The following PLXNA2 variants were observed in gnomAD, a reference collection of about 807,000 sequenced individuals.
The protein encoded by PLXNA2 is plexin A2.
In PLXNA2, 91 loss-of-function variants were observed where a neutral mutation model predicts 193.5. The observed-to-expected ratio is 0.47, with a 90% CI of 0.40 to 0.56. The LOEUF (loss-of-function observed/expected upper bound fraction) is 0.56. PLXNA2 is among the 20% of genes least tolerant of loss of function. The pLI is 0.00. For missense variants in PLXNA2, 1,995 were observed against 2,503.2 expected (o/e 0.80, Z 4.33); for synonymous variants, 997 against 1,027.3 (o/e 0.97, Z 0.56).
At chr1:208,060,929 C>A (rs539879673) in intron 12 of PLXNA2, 92 bp from the exon 13 acceptor site, 177 of 1,133,258 alleles carry the variant, frequency 1.6e-4, no homozygotes, top group Middle Eastern at 1.0e-3. Flanking sequence ...GTTTAAGAAC[C>A]TCCATAGGTT....
chr1:208,215,018 C>CT lies in PLXNA2; in HGVS notation c.1188+1716dup, dbSNP rs950809089. ...AGATCTGTGAGACTAGTGATCATGT[C>CT]TTTTTTTTTTCTGAGACAGGGTCTC... is the stretch of plus-strand genomic sequence containing the variant. On this transcript the variant is annotated intron_variant, in intron 2 of 31. Coordinates refer to ENST00000367033, the MANE Select transcript of PLXNA2 (RefSeq NM_025179.4). Among the ~76,000 whole-genome samples, 174 of 149,278 alleles carry CT rather than the reference C, an allele frequency of 1.2e-3. 2 individuals carry two copies. The highest frequency in any genetic ancestry group is 3.7e-3 in the African/African-American group (151 of 40,714).
chr1:208,031,991 T>C (rs1158905715), intron 28 of PLXNA2: 3 of 985,078 alleles, frequency 3.0e-6, no homozygotes, highest in Non-Finnish European at 3.6e-6. Context: ...TGCAGCCACA[T>C]TCCACATTCC....
At chr1:208,219,816 T>A (rs971542608) in intron 1 of PLXNA2, among the ~76,000 whole-genome samples, 1 of 152,166 alleles carries the variant, frequency 6.6e-6, no homozygotes, top group Non-Finnish European at 1.5e-5. Flanking sequence ...AACACCGGCA[T>A]GAGACTCAGG....
chr1:208,064,932 C>G (rs1363459372), intron 12 of PLXNA2, among the ~76,000 whole-genome samples: 2 of 152,182 alleles, frequency 1.3e-5, no homozygotes, highest in Non-Finnish European at 2.9e-5. Flanking sequence ...CTCTTAAAAG[C>G]AGCTTTTGAT....
rs759979862 is a variant in PLXNA2, at chr1:208,039,666, C to G, written c.4455G>C (p.Leu1485=). ...GCTGCCGGATGAGCTTGTCCTCGCT[C>G]AGGGAGTAGCGGGCCTCGCCCGTGA... ...DAITGEARYS[L]SEDKLIRQQI... Residue 1485 remains leucine (L), a synonymous_variant, in exon 24 of 32, where the codon CTG becomes CTC. Transcript: ENST00000367033. The G allele has an allele frequency of 6.2e-7, 1 of 1,614,218 alleles. No individual in the cohort carries two copies. Among genetic ancestry groups the G allele is most frequent in the Admixed American group, 1.7e-5 (1 of 60,032 alleles).
chr1:208,084,516 G>A lies in PLXNA2; in HGVS notation c.2162C>T (p.Thr721Ile), dbSNP rs1389717057. The part of the protein sequence containing the change: ...LIPVGEVKPI[T>I]LKARNLPQPQ... ...CTGGGGCAGATTTCGCGCCTTAAGG[G>A]TGATTGGCTTTACCTCCCCGACTGG... Residue 721 changes from threonine (T) to isoleucine (I), a missense_variant, in exon 10 of 32, where the codon ACC becomes ATC. Physicochemically the swap from Thr to Ile is moderately conservative, Grantham distance 89. Transcript: ENST00000367033. The A allele has an allele frequency of 6.2e-7, 1 of 1,614,252 alleles. No homozygotes were observed. Among genetic ancestry groups the A allele is most frequent in the East Asian group, 2.2e-5 (1 of 44,884 alleles).
Position 208,025,487 on chromosome 1 carries a change from AG to A in PLXNA2, c.*1755del, listed in dbSNP as rs1358413674. The A allele has an allele frequency of 6.6e-6, 1 of 152,404 alleles. No individual in the cohort carries two copies. Among genetic ancestry groups the A allele is most frequent in the Admixed American group, 6.5e-5 (1 of 15,288 alleles). The allele number at this position is 152,404 out of a possible 1,614,324, so 9.4% of individuals were successfully genotyped here. A position where few individuals can be genotyped will look rare whatever the true frequency, so the allele number is the denominator to read the frequency against. On this transcript the variant is annotated 3_prime_UTR_variant, in exon 32 of 32. Coordinates refer to ENST00000367033, the MANE Select transcript of PLXNA2 (RefSeq NM_025179.4). Reference sequence around the variant, plus strand: ...AGGATTCCTGACCCTTTGAAAAGTGAGGAAGGGCAGCTTGTTCCTCTTTGTC... The same window carrying A: ...AGGATTCCTGACCCTTTGAAAAGTGAGAAGGGCAGCTTGTTCCTCTTTGTC...
chr1:208,113,020 A>AAAAAAAAAAAG (rs1558198719), intron 4 of PLXNA2, among the ~76,000 whole-genome samples: 1 of 151,678 alleles, frequency 6.6e-6, no homozygotes. Flanking sequence ...AAAAAAAAAA[A>AAAAAAAAAAAG]AAAACAGAGA....
Position 208,027,165 on chromosome 1 carries a change from C to T in PLXNA2, c.*78G>A, listed in dbSNP as rs569915937. 528 of 1,279,442 alleles carry T rather than the reference C, an allele frequency of 4.1e-4. 9 individuals are homozygous for T. In the South Asian group the frequency reaches 6.2e-3, roughly 15 times the overall value. The allele number at this position is 1,279,442 out of a possible 1,614,324, so 79.3% of individuals were successfully genotyped here. A position where few individuals can be genotyped will look rare whatever the true frequency, so the allele number is the denominator to read the frequency against. ...GCAAGCTCTGGGGCCTGATCCCCAT[C>T]ACTTGTCCTTCCATCTGAGACTCCC... On this transcript the variant is annotated 3_prime_UTR_variant, in exon 32 of 32. Coordinates refer to ENST00000367033, the MANE Select transcript of PLXNA2 (RefSeq NM_025179.4).
intron 3 of PLXNA2, among the ~76,000 whole-genome samples, chr1:208,182,485 A>T (rs916693723): frequency 1.2e-4 from 19 of 152,090 alleles, no homozygotes; most frequent in Non-Finnish European, 1.6e-4. Flanking sequence ...ACCACCAAAA[A>T]ACTGCAAGAG....
In PLXNA2 at chr1:208,023,362, G is replaced by T. The variant is rs566958798; in HGVS notation, c.*3881C>A. ...CAGGCGTGGCAACCGGGATGCACCTGGAGATTTATCAGCCAGAAGCTTTCA... is the reference window on the plus strand; with the variant it reads ...CAGGCGTGGCAACCGGGATGCACCTTGAGATTTATCAGCCAGAAGCTTTCA... On this transcript the variant is annotated 3_prime_UTR_variant, in exon 32 of 32. Transcript: ENST00000367033. 6.5e-6 allele frequency: 1 copy of T among 152,834 alleles called. No individual in the cohort carries two copies. The highest frequency in any genetic ancestry group is 1.5e-5 in the Non-Finnish European group (1 of 68,102). The allele number at this position is 152,834 out of a possible 1,614,324, so 9.5% of individuals were successfully genotyped here.
chr1:208,050,866 AT>A, intron 17 of PLXNA2, 142 bp downstream of exon 17: 1 of 640,776 alleles, frequency 1.6e-6, no homozygotes, highest in Middle Eastern at 2.6e-4. Flanking sequence ...TATTTGGACC[AT>A]GATTCCAGGC....
At chr1:208,203,113 C>G (rs1007061364) in intron 3 of PLXNA2, among the ~76,000 whole-genome samples, 1 of 152,188 alleles carries the variant, frequency 6.6e-6, no homozygotes, top group Non-Finnish European at 1.5e-5. Context: ...GGGAGTGGGA[C>G]ATTCTGTAAA....
intron 3 of PLXNA2, among the ~76,000 whole-genome samples, chr1:208,152,650 T>C (rs1668799242): frequency 6.7e-6 from 1 of 148,572 alleles, no homozygotes; most frequent in Non-Finnish European, 1.5e-5. Flanking sequence ...AATCATGGCA[T>C]GTATTCATGC....
chr1:208,223,299 T>G (rs1671404744), intron 1 of PLXNA2, among the ~76,000 whole-genome samples: 2 of 151,460 alleles, frequency 1.3e-5, no homozygotes, highest in Non-Finnish European at 2.9e-5. Flanking sequence ...CCAGGGCGAC[T>G]CAAAGTGAGT....
chr1:208,199,118 A>G (rs1445600797), intron 3 of PLXNA2, among the ~76,000 whole-genome samples: 2 of 152,162 alleles, frequency 1.3e-5, no homozygotes, highest in African/African-American at 2.4e-5. Flanking sequence ...GAGGGTCCCA[A>G]TTCAGTGTTC....
chr1:208,130,975 G>A (rs556548897), intron 4 of PLXNA2, among the ~76,000 whole-genome samples: 1 of 152,324 alleles, frequency 6.6e-6, no homozygotes, highest in African/African-American at 2.4e-5. Context: ...GTGGTGGTCA[G>A]CTTCCCACTT....
intron 4 of PLXNA2, among the ~76,000 whole-genome samples, chr1:208,116,846 C>T (rs986591445): frequency 3.9e-5 from 6 of 152,068 alleles, no homozygotes; most frequent in Non-Finnish European, 7.4e-5. Context: ...TGCCCCTGAC[C>T]CTGGATCCCC....
In PLXNA2 at chr1:208,054,525, T is replaced by C; in HGVS notation, c.2752A>G (p.Met918Val). ...YIIAEQIVCE[M>V]GHALVGTTSG... ...GTGGTTCCCACGAGGGCATGGCCCA[T>C]CTCACAGACAATCCTGGGGAGAAAG... Residue 918 changes from methionine (M) to valine (V), a missense_variant, in exon 14 of 32, where the codon ATG becomes GTG. Coordinates refer to ENST00000367033, the MANE Select transcript of PLXNA2 (RefSeq NM_025179.4). 6.2e-7 allele frequency: 1 copy of C among 1,613,632 alleles called. No individual in the cohort carries two copies. The highest frequency in any genetic ancestry group is 1.1e-5 in the South Asian group (1 of 91,068).
Sources: allele counts gnomAD v4.1 joint callset (sites outside exome capture counted in the v4.1 genomes callset), GRCh38; gene constraint gnomAD v4.1.1; transcripts MANE v1.5; gene names NCBI Gene and HGNC (gene_info 2026-07-23, HGNC 2026-07-21).